TMC7: variants seen among roughly 807,000 people sequenced by gnomAD.
TMC7 encodes the protein transmembrane channel-like protein 7.
Under a neutral mutation model 82.9 loss-of-function variants are expected in TMC7, and 54 were observed. The observed-to-expected ratio is 0.65, with a 90% confidence interval of 0.52 to 0.82. TMC7 has a LOEUF of 0.82. TMC7 is among the 40% of genes least tolerant of loss of function. The probability of loss-of-function intolerance (pLI) is 0.00; values close to 1 mark genes in which losing one functional copy is unlikely to be tolerated. For synonymous variants in TMC7, 350 were observed against 337.9 expected (o/e 1.04, Z -0.39); for missense variants, 820 against 901.2 (o/e 0.91, Z 1.15).
At chr16:18,996,918 C>T (rs569955783) in intron 1 of TMC7, among the ~76,000 whole-genome samples, 68 of 152,354 alleles carry the variant, frequency 4.5e-4, no homozygotes, top group Non-Finnish European at 9.6e-4. Context: ...AAGTCCATGA[C>T]TAGCGCCGGA....
intron 9 of TMC7, among the ~76,000 whole-genome samples, chr16:19,044,363 G>C (rs1342803595): frequency 1.3e-5 from 2 of 151,762 alleles, no homozygotes; most frequent in Admixed American, 6.6e-5. Flanking sequence ...TTATTTTTTT[G>C]TAGAGACGGC....
intron 9 of TMC7, among the ~76,000 whole-genome samples, chr16:19,043,157 T>C (rs1317159307): frequency 6.6e-6 from 1 of 152,190 alleles, no homozygotes; most frequent in Non-Finnish European, 1.5e-5. Context: ...AGTGTGTTTT[T>C]GTCTGCACAG....
At position 19,009,328 on chromosome 16, in the gene TMC7, C is replaced by G. The variant is rs1567507570; in HGVS notation, c.224C>G (p.Ser75Cys). The change falls in exon 2 of 16, where the codon TCC becomes TGC. Residue 75 changes from serine (S) to cysteine (C), a missense_variant. Ser to Cys is a moderately radical substitution (Grantham distance 112). This residue lies in a region of TMC7 where 650 missense variants were observed against 669.9 expected (regional missense o/e 0.97). Transcript: ENST00000304381. ...TLLKPTDSYS[S>C]QLEDRIAENL... ...CTAAAGCCAACCGACTCTTACAGCT[C>G]CCAGCTGGAGGACAGAATCGCTGAA... 1 of 1,614,166 alleles carries G rather than the reference C, an allele frequency of 6.2e-7. No homozygotes were observed.
intron 1 of TMC7, chr16:18,984,399 C>G: frequency 7.9e-7 from 1 of 1,258,076 alleles, no homozygotes. Context: ...TGTCTTCCAG[C>G]TGTTGACCGA....
At chr16:19,011,190 G>C (rs970996125) in intron 2 of TMC7, among the ~76,000 whole-genome samples, 15 of 152,122 alleles carry the variant, frequency 9.9e-5, no homozygotes, top group Non-Finnish European at 1.5e-4. Flanking sequence ...TAACTGCCAG[G>C]AAGGCTGGGA....
rs749688326 is a variant in TMC7, at chr16:19,009,442, G to A, written c.311+27G>A. ...TTTGTTCACTAGCCACCTGGAACCT[G>A]CATTGTGTATGTTATGGCCCAGAGG... On this transcript the variant is annotated intron_variant, in intron 2 of 15. Transcript: ENST00000304381. 1.0e-5 allele frequency: 16 copies of A among 1,600,812 alleles called. No individual in the cohort carries two copies. The Admixed American group carries it at 2.7e-4, about 27-fold the overall frequency.
intron 15 of TMC7, 90 bp from the exon 16 acceptor site, chr16:19,061,688 G>T: frequency 9.2e-7 from 1 of 1,090,004 alleles, no homozygotes; most frequent in South Asian, 1.5e-5. Context: ...ATAGTCCAGT[G>T]GTTAGAATCC....
chr16:19,037,844 G>A (rs1489818462), intron 7 of TMC7, 30 bp from the exon 8 acceptor site: 1 of 1,601,126 alleles, frequency 6.2e-7, no homozygotes, highest in Non-Finnish European at 8.5e-7. Flanking sequence ...TCATCCCACT[G>A]CTCACAAGTG....
intron 1 of TMC7, among the ~76,000 whole-genome samples, chr16:19,003,283 C>T (rs2039172952): frequency 6.6e-6 from 1 of 152,210 alleles, no homozygotes; most frequent in Admixed American, 6.5e-5. Flanking sequence ...GGTTACACTC[C>T]AGCCTGGGCA....
At position 19,017,474 on chromosome 16, in the gene TMC7, C is replaced by A. The variant is rs369105992; in HGVS notation, c.460+876C>A. On this transcript the variant is annotated intron_variant, in intron 3 of 15. Coordinates refer to ENST00000304381, the MANE Select transcript of TMC7 (RefSeq NM_024847.4). ...AAATATATTATTTTAAAATGTTATA[C>A]TTTTAATTTCAATGCATAAAATAAA... is the stretch of plus-strand genomic sequence containing the variant. 2.0e-5 allele frequency among the ~76,000 whole-genome samples: 3 copies of A among 150,934 alleles called. No individual in the cohort carries two copies. The East Asian group carries it at 5.8e-4, about 29-fold the overall frequency.
chr16:18,997,587 C>T (rs1308972581), intron 1 of TMC7, among the ~76,000 whole-genome samples: 1 of 151,884 alleles, frequency 6.6e-6, no homozygotes, highest in East Asian at 1.9e-4. Context: ...CCAGGCTGGT[C>T]TCCAACTCCT....
intron 1 of TMC7, among the ~76,000 whole-genome samples, chr16:18,991,425 G>A (rs2038949113): frequency 6.6e-6 from 1 of 152,044 alleles, no homozygotes; most frequent in Non-Finnish European, 1.5e-5. Context: ...TTTTTATGTT[G>A]TCATATACCA....
chr16:18,997,751 A>AG (rs2039069507), intron 1 of TMC7, among the ~76,000 whole-genome samples: 1 of 123,906 alleles, frequency 8.1e-6, no homozygotes, highest in African/African-American at 3.1e-5. Context: ...TTTTTTTGAG[A>AG]TGGAGTCTTG....
intron 1 of TMC7, among the ~76,000 whole-genome samples, chr16:19,000,381 C>T (rs558771682): frequency 8.6e-4 from 130 of 151,904 alleles, no homozygotes; most frequent in African/African-American, 2.7e-3. Context: ...GCAGGAGAAT[C>T]GCTTGAACCC....
At chr16:19,056,070 A>G (rs1202843222) in intron 13 of TMC7, among the ~76,000 whole-genome samples, 2 of 151,688 alleles carry the variant, frequency 1.3e-5, no homozygotes, top group Non-Finnish European at 2.9e-5. Flanking sequence ...TTTCAGGGTA[A>G]GCATTTTCTT....
intron 5 of TMC7, among the ~76,000 whole-genome samples, chr16:19,028,905 C>T (rs187049572): frequency 5.3e-5 from 8 of 152,034 alleles, no homozygotes; most frequent in Admixed American, 1.3e-4. Context: ...CCACCCGCCT[C>T]GGCCTCCCAA....
At chr16:18,992,232 A>G (rs892601261) in intron 1 of TMC7, among the ~76,000 whole-genome samples, 4 of 152,096 alleles carry the variant, frequency 2.6e-5, no homozygotes, top group African/African-American at 7.2e-5. Flanking sequence ...AAGTGTTCCT[A>G]TTTCTCCACA....
rs746381638 is a variant in TMC7, at chr16:19,056,663, G to A, written c.1993G>A (p.Glu665Lys). 9 of 1,613,878 alleles carry A rather than the reference G, an allele frequency of 5.6e-6. No individual in the cohort carries two copies. Among genetic ancestry groups the A allele is most frequent in the African/African-American group, 1.3e-5 (1 of 74,888 alleles). ...LQSFIHGVTS[E>K]AFAVPFFMII... Reference sequence around the variant, plus strand: ...GTCCTTCATCCATGGTGTCACATCCGAAGCCTTTGCAGTTCCTTTCTTCAT... The same window carrying A: ...GTCCTTCATCCATGGTGTCACATCCAAAGCCTTTGCAGTTCCTTTCTTCAT... The change falls in exon 14 of 16, where the codon GAA becomes AAA. Residue 665 changes from glutamate (E) to lysine (K), a missense_variant. Physicochemically the swap from Glu to Lys is moderately conservative, Grantham distance 56 (BLOSUM62 1). Coordinates refer to ENST00000304381, the MANE Select transcript of TMC7 (RefSeq NM_024847.4).
At chr16:19,051,374 G>A (rs1332968201) in intron 12 of TMC7, among the ~76,000 whole-genome samples, 1 of 151,204 alleles carries the variant, frequency 6.6e-6, no homozygotes, top group Non-Finnish European at 1.5e-5. Context: ...TTAGCATTAG[G>A]TATGTCTCCT....
Sources: allele counts gnomAD v4.1 joint callset (sites outside exome capture counted in the v4.1 genomes callset), GRCh38; gene constraint gnomAD v4.1.1; regional missense constraint gnomAD v4.1.1; transcripts MANE v1.5; gene names NCBI Gene and HGNC (gene_info 2026-07-23, HGNC 2026-07-21).